IQSEC1: variants seen among roughly 807,000 people sequenced by gnomAD.
IQSEC1 encodes the protein IQ motif and Sec7 domain ArfGEF 1.
A neutral mutation model predicts 91.0 loss-of-function variants in IQSEC1; 31 were observed. That is an observed-to-expected ratio of 0.34 (90% CI 0.26 to 0.46). IQSEC1 has a LOEUF of 0.46. IQSEC1 is among the 20% of genes least tolerant of loss of function. The probability of loss-of-function intolerance (pLI) is 1.00; values close to 1 mark genes in which losing one functional copy is unlikely to be tolerated. For synonymous variants in IQSEC1, 699 were observed against 662.6 expected (o/e 1.05, Z -0.84); for missense variants, 1,388 against 1,575.6 (o/e 0.88, Z 2.02).
intron 2 of IQSEC1, among the ~76,000 whole-genome samples, chr3:13,115,286 C>T (rs1706316398): frequency 6.6e-6 from 1 of 152,156 alleles, no homozygotes; most frequent in African/African-American, 2.4e-5. Flanking sequence ...TAGCCAAGTC[C>T]TCTCCCCTCT....
chr3:13,270,847 T>C (rs1695579849), intron 1 of IQSEC1, among the ~76,000 whole-genome samples: 1 of 152,194 alleles, frequency 6.6e-6, no homozygotes, highest in Admixed American at 6.5e-5. Context: ...CAAAGACTGG[T>C]AGAATGGATA....
intron 1 of IQSEC1, among the ~76,000 whole-genome samples, chr3:12,964,852 T>C (rs995190044): frequency 3.9e-5 from 6 of 152,146 alleles, no homozygotes; most frequent in African/African-American, 1.2e-4. Flanking sequence ...CACACACATA[T>C]ACTGAGCTCC....
intron 1 of IQSEC1, chr3:13,021,953 C>A: frequency 1.0e-6 from 1 of 995,798 alleles, no homozygotes; most frequent in Non-Finnish European, 1.3e-6. Context: ...CAGCTCCTTC[C>A]TGGACCCTGT....
intron 2 of IQSEC1, among the ~76,000 whole-genome samples, chr3:13,091,133 T>G (rs988932792): frequency 2.0e-5 from 3 of 152,170 alleles, no homozygotes; most frequent in Non-Finnish European, 2.9e-5. Flanking sequence ...CTTGACTCAG[T>G]GGACACTCTC....
At chr3:13,218,404 G>A (rs142571744) in intron 1 of IQSEC1, among the ~76,000 whole-genome samples, 101 of 152,324 alleles carry the variant, frequency 6.6e-4, no homozygotes, top group African/African-American at 2.3e-3. Flanking sequence ...GAGCTGGCTG[G>A]TGAGAGAAAA....
chr3:13,216,485 C>T (rs529730774), intron 1 of IQSEC1, among the ~76,000 whole-genome samples: 28 of 152,310 alleles, frequency 1.8e-4, no homozygotes, highest in Admixed American at 5.9e-4. Context: ...GCTAGCAGAG[C>T]GACGAGCTGT....
At chr3:12,911,902 G>A (rs9848923) in intron 9 of IQSEC1, among the ~76,000 whole-genome samples, 174 bp from the exon 10 acceptor site, 1,889 of 152,268 alleles carry the variant, frequency 0.012, 31 homozygotes, top group African/African-American at 0.043. Context: ...TCCTGTCCCC[G>A]CAACCCCGAT....
intron 1 of IQSEC1, among the ~76,000 whole-genome samples, chr3:13,055,055 C>T (rs1704825228): frequency 1.3e-5 from 2 of 152,260 alleles, no homozygotes; most frequent in Non-Finnish European, 2.9e-5. Flanking sequence ...CACCCACCGC[C>T]GGCCTTCCTG....
intron 1 of IQSEC1, among the ~76,000 whole-genome samples, chr3:13,202,739 T>C (rs1694266720): frequency 6.6e-6 from 1 of 152,184 alleles, no homozygotes; most frequent in Non-Finnish European, 1.5e-5. Context: ...AATGTACTAA[T>C]ACCCCTGAAC....
intron 2 of IQSEC1, among the ~76,000 whole-genome samples, chr3:12,939,133 C>G (rs1325113251): frequency 6.6e-6 from 1 of 152,238 alleles, no homozygotes; most frequent in African/African-American, 2.4e-5. Flanking sequence ...GGTTTCACTA[C>G]CCCACTTCTC....
chr3:13,073,708 G>A (rs761586520), upstream of IQSEC1, among the ~76,000 whole-genome samples: 1 of 152,236 alleles, frequency 6.6e-6, no homozygotes, highest in South Asian at 2.1e-4. Flanking sequence ...CGGCTTTTCT[G>A]CCTTCGGCAC....
At chr3:13,041,200 CCG>C (rs1704251383) in intron 1 of IQSEC1, among the ~76,000 whole-genome samples, 1 of 138,878 alleles carries the variant, frequency 7.2e-6, no homozygotes, top group Non-Finnish European at 1.6e-5. Flanking sequence ...CCTCCTGAGG[CCG>C]CATGAACAAG....
chr3:13,089,839 A>G (rs1705806466), intron 2 of IQSEC1, among the ~76,000 whole-genome samples: 2 of 152,190 alleles, frequency 1.3e-5, no homozygotes, highest in African/African-American at 2.4e-5. Context: ...GAGTGATGAA[A>G]ATGTTTTAAA....
At chr3:13,097,451 G>C (rs1005150780) in intron 2 of IQSEC1, among the ~76,000 whole-genome samples, 2 of 152,092 alleles carry the variant, frequency 1.3e-5, no homozygotes, top group Non-Finnish European at 2.9e-5. Context: ...TGTGCCCAAG[G>C]CTCCCAGACC....
chr3:13,182,041 C>T (rs1044973190), intron 1 of IQSEC1, among the ~76,000 whole-genome samples: 4 of 152,182 alleles, frequency 2.6e-5, no homozygotes, highest in African/African-American at 9.7e-5. Context: ...AGTCCCATGA[C>T]TTTGCCTATC....
chr3:13,182,268 T>C (rs78042092), intron 1 of IQSEC1, among the ~76,000 whole-genome samples: 9,486 of 152,342 alleles, frequency 0.062, 315 homozygotes, highest in East Asian at 0.072. Flanking sequence ...ATCAGTCTGA[T>C]GCTCCCATCT....
At chr3:13,095,634 C>T (rs892338911) in intron 2 of IQSEC1, among the ~76,000 whole-genome samples, 2 of 152,090 alleles carry the variant, frequency 1.3e-5, no homozygotes, top group Non-Finnish European at 2.9e-5. Context: ...TCGGTGGGGA[C>T]GCTGAGGACG....
At chr3:12,945,302 T>G (rs1251546282) in intron 1 of IQSEC1, among the ~76,000 whole-genome samples, 2 of 151,976 alleles carry the variant, frequency 1.3e-5, no homozygotes, top group African/African-American at 2.4e-5. Flanking sequence ...CTGGCTGCCC[T>G]GGGTCAGCAG....
At chr3:13,090,496 G>A (rs764621082) in intron 2 of IQSEC1, among the ~76,000 whole-genome samples, 5 of 152,284 alleles carry the variant, frequency 3.3e-5, no homozygotes, top group Middle Eastern at 3.4e-3. Context: ...CCCCCATCCC[G>A]TGTTGCACCT....
Sources: allele counts gnomAD v4.1 joint callset (sites outside exome capture counted in the v4.1 genomes callset), GRCh38; gene constraint gnomAD v4.1.1; transcripts MANE v1.5; gene names NCBI Gene and HGNC (gene_info 2026-07-23, HGNC 2026-07-21).